COQ3: variants seen among roughly 807,000 people sequenced by gnomAD.
COQ3 encodes coenzyme Q3, methyltransferase.
A neutral mutation model predicts 33.1 loss-of-function variants in COQ3; 29 were observed. The ratio of observed to expected loss-of-function variants is 0.88; its 90% CI spans 0.65 to 1.19. COQ3 has a LOEUF of 1.19. COQ3 is among the 50% of genes most tolerant of loss of function. The pLI is 0.00. For missense variants in COQ3, 437 were observed against 430.7 expected, an observed-to-expected ratio of 1.01 and a Z score of -0.13; for synonymous variants, 173 against 157.8, an observed-to-expected ratio of 1.10 and a Z score of -0.72.
In COQ3 at chr6:99,376,460, GA is replaced by G. The variant is rs1315866145; in HGVS notation, c.487-279del. On this transcript the variant is annotated intron_variant, in intron 4 of 6. Transcript: ENST00000254759. ...AAAAAAACTTTGTCTATGTACTCTAGATACACTTACTTGCACATAGTACAGT... is the reference window on the plus strand; with the variant it reads ...AAAAAAACTTTGTCTATGTACTCTAGTACACTTACTTGCACATAGTACAGT... Among the ~76,000 whole-genome samples the G allele has an allele frequency of 2.6e-5, 4 of 152,276 alleles. No individual in the cohort carries two copies. The East Asian group carries it at 7.7e-4, about 29-fold the overall frequency.
At chr6:99,375,042 T>TCACTGCAA (rs1774245318) in intron 5 of COQ3, among the ~76,000 whole-genome samples, 1 of 151,374 alleles carries the variant, frequency 6.6e-6, no homozygotes, top group Non-Finnish European at 1.5e-5. Flanking sequence ...CAATCTCGGC[T>TCACTGCAA]CACTGCAACC....
chr6:99,380,050 A>T (rs1774421009), intron 3 of COQ3, 139 bp downstream of exon 3: 2 of 732,438 alleles, frequency 2.7e-6, no homozygotes, highest in South Asian at 4.2e-5. Flanking sequence ...GTGGTAATTG[A>T]AAAGAATCTC....
At chr6:99,378,636 G>A (rs563579036) in intron 3 of COQ3, among the ~76,000 whole-genome samples, 5 of 152,248 alleles carry the variant, frequency 3.3e-5, no homozygotes, top group African/African-American at 4.8e-5. Context: ...CTGATGAGAC[G>A]TGATAATTTG....
Position 99,380,575 on chromosome 6 carries a change from C to A in COQ3, c.234-234G>T, listed in dbSNP as rs575887811. 2.6e-3 allele frequency among the ~76,000 whole-genome samples: 399 copies of A among 152,156 alleles called. 2 individuals are homozygous for A. The highest frequency in any genetic ancestry group is 4.2e-3 in the Non-Finnish European group (286 of 68,012). On this transcript the variant is annotated intron_variant, in intron 2 of 6. Transcript: ENST00000254759. ...AAGTAAGTTTCAATTCAAAACAGAA[C>A]TTTATAAAACTTAGCCTTCTGGGTC... is the stretch of plus-strand genomic sequence containing the variant.
At chr6:99,380,666 T>A (rs1774448404) in intron 2 of COQ3, among the ~76,000 whole-genome samples, 1 of 152,032 alleles carries the variant, frequency 6.6e-6, no homozygotes, top group Non-Finnish European at 1.5e-5. Flanking sequence ...ACATCTGTAA[T>A]CCCAGCACTT....
chr6:99,372,022 A>G (rs575025920), intron 5 of COQ3, among the ~76,000 whole-genome samples: 2 of 152,356 alleles, frequency 1.3e-5, no homozygotes, highest in South Asian at 4.1e-4. Context: ...CATCTTGTGC[A>G]GGGAAGTACT....
chr6:99,390,514 T>C (rs1774795701), intron 1 of COQ3, among the ~76,000 whole-genome samples: 1 of 152,086 alleles, frequency 6.6e-6, no homozygotes, highest in East Asian at 1.9e-4. Flanking sequence ...TTTGGATTTT[T>C]AGTAGAGACG....
At chr6:99,370,470 T>C (rs1446864059) in intron 6 of COQ3, among the ~76,000 whole-genome samples, 1 of 150,302 alleles carries the variant, frequency 6.7e-6, no homozygotes, top group Admixed American at 6.7e-5. Context: ...TGCCTCAGAC[T>C]CTCGAGGAGC....
At chr6:99,382,270 A>G (rs6912105) in intron 2 of COQ3, among the ~76,000 whole-genome samples, 89,428 of 151,946 alleles carry the variant, frequency 0.59, 26,929 homozygotes, top group South Asian at 0.79. Flanking sequence ...GTAAAGAGGG[A>G]TTAGATAGAC....
chr6:99,375,908 A>G (rs1249985094), intron 5 of COQ3, 32 bp downstream of exon 5: 1 of 1,611,018 alleles, frequency 6.2e-7, no homozygotes, highest in South Asian at 1.1e-5. Flanking sequence ...ACTCAGAAGA[A>G]GAAACCAAGA....
At chr6:99,383,529 A>C (rs974215329) in intron 2 of COQ3, among the ~76,000 whole-genome samples, 169 bp downstream of exon 2, 1 of 152,218 alleles carries the variant, frequency 6.6e-6, no homozygotes, top group African/African-American at 2.4e-5. Flanking sequence ...AAACTCCCCA[A>C]ATTTAAAAAT....
intron 1 of COQ3, among the ~76,000 whole-genome samples, chr6:99,384,504 C>G (rs745596678): frequency 4.6e-5 from 7 of 151,984 alleles, no homozygotes; most frequent in Non-Finnish European, 1.0e-4. Flanking sequence ...AATTATTTGT[C>G]AAAACTATTT....
intron 3 of COQ3, among the ~76,000 whole-genome samples, chr6:99,379,830 G>A (rs1435587595): frequency 6.6e-6 from 1 of 151,538 alleles, no homozygotes; most frequent in Non-Finnish European, 1.5e-5. Flanking sequence ...ACTCCCCTCT[G>A]GGTGACAAGA....
chr6:99,380,208 G>A lies in COQ3; in HGVS notation c.367C>T (p.Leu123=). Reference sequence around the variant, plus strand: ...TGTTACCTAATAAATGGCACCCTCAGGTCATTCATGGAATGAAGAGGTGCA... The same window carrying A: ...TGTTACCTAATAAATGGCACCCTCAAGTCATTCATGGAATGAAGAGGTGCA... The part of the protein sequence containing the change: ...VYAPLHSMND[L]RVPFIRDNLL... Residue 123 remains leucine (L), a synonymous_variant, in exon 3 of 7, where the codon CTG becomes TTG. Transcript: ENST00000254759. 6.2e-7 allele frequency: 1 copy of A among 1,613,792 alleles called. No individual in the cohort carries two copies.
intron 1 of COQ3, among the ~76,000 whole-genome samples, chr6:99,387,905 C>G (rs1246916293): frequency 6.6e-6 from 1 of 152,192 alleles, no homozygotes; most frequent in African/African-American, 2.4e-5. Flanking sequence ...TGGCTCACAC[C>G]TGTAATCCCA....
chr6:99,390,690 TTTAA>T (rs1774801113), intron 1 of COQ3, among the ~76,000 whole-genome samples: 1 of 152,136 alleles, frequency 6.6e-6, no homozygotes, highest in African/African-American at 2.4e-5. Context: ...TTAGTGTAGT[TTTAA>T]TTGTTTGTTT....
At chr6:99,390,534 G>A (rs570523565) in intron 1 of COQ3, among the ~76,000 whole-genome samples, 7 of 152,130 alleles carry the variant, frequency 4.6e-5, no homozygotes, top group African/African-American at 1.2e-4. Flanking sequence ...GGGTTTCACC[G>A]TGTTAGCCAG....
intron 1 of COQ3, among the ~76,000 whole-genome samples, chr6:99,391,139 C>A (rs1774817131): frequency 6.6e-6 from 1 of 150,948 alleles, no homozygotes; most frequent in East Asian, 1.9e-4. Flanking sequence ...CGTTGTGTTG[C>A]CCAGGCTGGA....
chr6:99,385,168 A>G (rs60784231), intron 1 of COQ3, among the ~76,000 whole-genome samples: 6,608 of 152,240 alleles, frequency 0.043, 392 homozygotes, highest in African/African-American at 0.14. Context: ...ACTCACAGAA[A>G]TGAAATGAGA....
Sources: allele counts gnomAD v4.1 joint callset (sites outside exome capture counted in the v4.1 genomes callset), GRCh38; gene constraint gnomAD v4.1.1; transcripts MANE v1.5; gene names NCBI Gene and HGNC (gene_info 2026-07-23, HGNC 2026-07-21).